BCKDHB: variants seen among roughly 807,000 people sequenced by gnomAD.
BCKDHB encodes the protein 2-oxoisovalerate dehydrogenase subunit beta, mitochondrial.
In BCKDHB, 41 loss-of-function variants were observed where a neutral mutation model predicts 48.5. The ratio of observed to expected loss-of-function variants is 0.85; its 90% CI spans 0.66 to 1.10. The LOEUF (loss-of-function observed/expected upper bound fraction) is 1.10. Among genes scored for constraint, BCKDHB ranks in the 50% least tolerant of loss-of-function variants. The probability of loss-of-function intolerance (pLI) is 0.00; values close to 1 mark genes in which losing one functional copy is unlikely to be tolerated. For missense variants in BCKDHB, 496 were observed against 494.2 expected (o/e 1.00, Z -0.03); for synonymous variants, 201 against 174.8 (o/e 1.15, Z -1.18).
chr6:80,111,299 C>T (rs1000523532), intron 1 of BCKDHB, among the ~76,000 whole-genome samples: 1 of 152,134 alleles, frequency 6.6e-6, no homozygotes, highest in African/African-American at 2.4e-5. Flanking sequence ...TTACGATGTT[C>T]CTGAACAGGG....
intron 8 of BCKDHB, among the ~76,000 whole-genome samples, chr6:80,218,230 G>T (rs73748750): frequency 1.3e-5 from 2 of 152,178 alleles, no homozygotes; most frequent in East Asian, 3.9e-4. Context: ...GCTGAGTTAG[G>T]TTTTGTCGGT....
the BCKDHB span, chr6:80,466,068 G>T: frequency 6.6e-6 from 1 of 152,130 alleles, no homozygotes; most frequent in Non-Finnish European, 1.5e-5. Flanking sequence ...GAATCTCAGA[G>T]GTACTTAAGT....
At chr6:80,387,306 G>T in the BCKDHB span, among the ~76,000 whole-genome samples, 1 of 152,200 alleles carries the variant, frequency 6.6e-6, no homozygotes, top group Non-Finnish European at 1.5e-5. Context: ...CTGACTGGCA[G>T]AGTGAGGGTT....
chr6:80,224,399 C>T (rs1775592020), intron 8 of BCKDHB, among the ~76,000 whole-genome samples: 1 of 150,282 alleles, frequency 6.7e-6, no homozygotes, highest in Non-Finnish European at 1.5e-5. Flanking sequence ...TTTTTTCTTT[C>T]CTTTTTTTTT....
At chr6:80,343,531 C>T in intron 9 of BCKDHB, 133 bp from the exon 10 acceptor site, 1 of 990,012 alleles carries the variant, frequency 1.0e-6, no homozygotes, top group South Asian at 1.5e-5. Context: ...TTTCATATTA[C>T]AGTATACTTA....
the BCKDHB span, among the ~76,000 whole-genome samples, chr6:80,391,481 CA>C: frequency 3.3e-5 from 5 of 152,062 alleles, no homozygotes; most frequent in Admixed American, 2.0e-4. Flanking sequence ...TGGAGTGATG[CA>C]ACTATAAACC....
intron 9 of BCKDHB, among the ~76,000 whole-genome samples, chr6:80,275,410 A>T (rs1186535615): frequency 6.6e-6 from 1 of 152,072 alleles, no homozygotes; most frequent in East Asian, 1.9e-4. Context: ...TCACCAGCTA[A>T]CCACAGAATG....
At chr6:80,416,862 T>C in the BCKDHB span, among the ~76,000 whole-genome samples, 1 of 151,984 alleles carries the variant, frequency 6.6e-6, no homozygotes, top group African/African-American at 2.4e-5. Flanking sequence ...TGGAGAGTTC[T>C]ATAAATGCCT....
the BCKDHB span, among the ~76,000 whole-genome samples, chr6:80,380,812 G>A: frequency 1.1e-4 from 16 of 151,836 alleles, no homozygotes; most frequent in South Asian, 4.1e-4. Context: ...AGTACAAACA[G>A]CCAAGAACTG....
At chr6:80,372,751 T>G in the BCKDHB span, among the ~76,000 whole-genome samples, 1 of 152,194 alleles carries the variant, frequency 6.6e-6, no homozygotes, top group African/African-American at 2.4e-5. Context: ...TGTATCACAT[T>G]TATTGACTTG....
chr6:80,450,089 G>A, the BCKDHB span, among the ~76,000 whole-genome samples: 36 of 152,046 alleles, frequency 2.4e-4, no homozygotes, highest in African/African-American at 8.2e-4. Context: ...AGTGGAGTAT[G>A]AAGAAAAAAT....
chr6:80,190,049 T>TAGAA (rs1438903822), intron 6 of BCKDHB, among the ~76,000 whole-genome samples: 1 of 152,126 alleles, frequency 6.6e-6, no homozygotes, highest in Non-Finnish European at 1.5e-5. Context: ...AAAATACAGA[T>TAGAA]TTCTAATGGA....
chr6:80,344,051 A>G lies in BCKDHB; in HGVS notation c.*247A>G. ...AGTCTCACTCTGTCGCCCAGGCTAG[A>G]CTGCAGTGGTGCAATCTCAGCTCAC... On this transcript the variant is annotated 3_prime_UTR_variant, in exon 10 of 10. Transcript: ENST00000320393. The G allele has an allele frequency of 2.0e-6, 1 of 490,062 alleles. No individual in the cohort carries two copies. Among genetic ancestry groups the G allele is most frequent in the Non-Finnish European group, 3.7e-6 (1 of 269,984 alleles). 30.4% of individuals were successfully genotyped at this position (490,062 alleles called of 1,614,324 possible). A position where few individuals can be genotyped will look rare whatever the true frequency, so the allele number is the denominator to read the frequency against.
intron 1 of BCKDHB, among the ~76,000 whole-genome samples, chr6:80,125,155 T>G (rs1221036107): frequency 6.6e-6 from 1 of 152,202 alleles, no homozygotes; most frequent in Non-Finnish European, 1.5e-5. Context: ...CATCAGCACT[T>G]TATGCTTCAC....
intron 6 of BCKDHB, among the ~76,000 whole-genome samples, chr6:80,198,142 G>C (rs915454929): frequency 4.6e-5 from 7 of 152,166 alleles, no homozygotes; most frequent in African/African-American, 7.2e-5. Flanking sequence ...GTCTTTGTTG[G>C]AACTAGTCAG....
intron 9 of BCKDHB, among the ~76,000 whole-genome samples, chr6:80,300,458 A>G (rs2127990748): frequency 6.6e-6 from 1 of 152,352 alleles, no homozygotes; most frequent in African/African-American, 2.4e-5. Context: ...AAAAAGCCAT[A>G]ACTGTCCTAA....
the BCKDHB span, among the ~76,000 whole-genome samples, chr6:80,397,120 G>T: frequency 2.0e-5 from 3 of 152,098 alleles, no homozygotes; most frequent in Non-Finnish European, 4.4e-5. Flanking sequence ...TAATTTACCT[G>T]AGTTTTTTGT....
rs148061282 is a variant in BCKDHB at position 80,215,773 on chromosome 6, C to G, written c.951+12561C>G. Reference sequence around the variant, plus strand: ...ACTTTTTGTTTTTTTGAGACGGAGTCTCGCCGTGCCACCAGTCTGGAGTGC... The same window carrying G: ...ACTTTTTGTTTTTTTGAGACGGAGTGTCGCCGTGCCACCAGTCTGGAGTGC... On this transcript the variant is annotated intron_variant, in intron 8 of 9. Coordinates refer to ENST00000320393, the MANE Select transcript of BCKDHB (RefSeq NM_183050.4). Among the ~76,000 whole-genome samples the G allele has an allele frequency of 2.1e-3, 314 of 152,242 alleles. 6 individuals are homozygous for G. In the East Asian group the frequency reaches 0.051, roughly 25 times the overall value.
the BCKDHB span, among the ~76,000 whole-genome samples, chr6:80,378,770 C>G: frequency 6.6e-6 from 1 of 152,080 alleles, no homozygotes; most frequent in Non-Finnish European, 1.5e-5. Context: ...TATAAGCCTG[C>G]TCTTTACTCT....
Sources: allele counts gnomAD v4.1 joint callset (sites outside exome capture counted in the v4.1 genomes callset), GRCh38; gene constraint gnomAD v4.1.1; transcripts MANE v1.5; gene names NCBI Gene and HGNC (gene_info 2026-07-23, HGNC 2026-07-21).